The following FCSK variants were observed in gnomAD, a reference collection of about 807,000 sequenced individuals.
FCSK encodes fucose kinase, also known as L-fucose kinase.
Under a neutral mutation model 122.5 loss-of-function variants are expected in FCSK, and 123 were observed. That is an observed-to-expected ratio of 1.00 (90% CI 0.87 to 1.17). The LOEUF (loss-of-function observed/expected upper bound fraction) is 1.17, where lower values mean the gene tolerates loss of function less well. FCSK is among the 50% of genes most tolerant of loss of function. The pLI is 0.00. For missense variants in FCSK, 1,366 were observed against 1,450.4 expected, an observed-to-expected ratio of 0.94 and a Z score of 0.95; for synonymous variants, 620 against 625.5, an observed-to-expected ratio of 0.99 and a Z score of 0.13.
Position 70,474,643 on chromosome 16 carries a change from G to T in FCSK, c.2104G>T (p.Gly702Ter). Residue 702 changes from glycine (G) to a stop codon, truncating the protein, a stop_gained, in exon 17 of 24, where the codon GGA (glycine) becomes TGA (stop). Transcript: ENST00000288078. LOFTEE classifies it high-confidence loss of function. ...FVSTEQVELP[G>*]PGQWVVAECP... ...CTCCACAGAGCAGGTGGAACTGCCG[G>T]GACCTGGGCAGTGGGTGGTGGCTGA... The T allele has an allele frequency of 1.9e-6, 3 of 1,597,484 alleles. No individual in the cohort carries two copies. The highest frequency in any genetic ancestry group is 1.1e-5 in the South Asian group (1 of 88,024).
chr16:70,463,130 T>C (rs920799740), intron 1 of FCSK, 39 bp from the exon 2 acceptor site: 3 of 1,169,318 alleles, frequency 2.6e-6, no homozygotes, highest in Non-Finnish European at 3.8e-6. Context: ...GTTATGATGG[T>C]TTAAAAAATA....
chr16:70,467,502 G>A (rs1327207794), intron 7 of FCSK, 31 bp downstream of exon 7: 3 of 1,530,040 alleles, frequency 2.0e-6, no homozygotes, highest in African/African-American at 1.4e-5. Flanking sequence ...GGAGCCGGCT[G>A]GGGCAGCCTT....
intron 1 of FCSK, among the ~76,000 whole-genome samples, chr16:70,460,327 G>A (rs2048226327): frequency 6.6e-6 from 1 of 151,124 alleles, no homozygotes; most frequent in South Asian, 2.1e-4. Flanking sequence ...TAGCCAGGAT[G>A]GTCTCGATCT....
At chr16:70,476,623 C>G (rs2048827174) in intron 20 of FCSK, among the ~76,000 whole-genome samples, 1 of 152,126 alleles carries the variant, frequency 6.6e-6, no homozygotes, top group African/African-American at 2.4e-5. Context: ...AGGTCCACCT[C>G]AGGGTGTCAG....
rs536392049 is a variant in FCSK at position 70,468,759 on chromosome 16, C to T, written c.664-90C>T. ...CCCTGCCTGGTATGGCACTCAGCTT[C>T]ATGTGGCCCATCTGCATGTGCCCTC... On this transcript the variant is annotated intron_variant, in intron 8 of 23. Transcript: ENST00000288078. The T allele has an allele frequency of 3.7e-5, 56 of 1,516,498 alleles. 1 individual carries two copies. The South Asian group carries it at 5.9e-4, about 16-fold the overall frequency. 93.9% of individuals were successfully genotyped at this position (1,516,498 alleles called of 1,614,324 possible). A position where few individuals can be genotyped will look rare whatever the true frequency, so the allele number is the denominator to read the frequency against.
In FCSK at chr16:70,472,555, C is replaced by A; in HGVS notation, c.1356C>A (p.Gly452=). Residue 452 remains glycine, a synonymous_variant, in exon 14 of 24, where the codon GGC becomes GGA. Coordinates refer to ENST00000288078, the MANE Select transcript of FCSK (RefSeq NM_145059.3). ...RLDSWERQGA[G]TYLNVPWSEF... ...CTCTCCCCCAGAGACAGGGGGCAGGCACATATCTCAACGTGCCCTGGAGTG... is the reference window on the plus strand; with the variant it reads ...CTCTCCCCCAGAGACAGGGGGCAGGAACATATCTCAACGTGCCCTGGAGTG... 2.5e-6 allele frequency: 4 copies of A among 1,612,968 alleles called. No individual in the cohort carries two copies. The highest frequency in any genetic ancestry group is 3.4e-6 in the Non-Finnish European group (4 of 1,179,432).
intron 1 of FCSK, among the ~76,000 whole-genome samples, chr16:70,459,598 C>T (rs564658994): frequency 3.3e-5 from 5 of 151,286 alleles, no homozygotes; most frequent in Admixed American, 2.0e-4. Context: ...TCAAACTTCA[C>T]TCTGCCACTT....
Position 70,463,268 on chromosome 16 carries a change from G to A in FCSK, c.78G>A (p.Gln26=). The change falls in exon 2 of 24, where the codon CAG becomes CAA. Residue 26 remains glutamine, a synonymous_variant. Coordinates refer to ENST00000288078, the MANE Select transcript of FCSK (RefSeq NM_145059.3). ...ACAAGGACAGTGTCCAGGTCTTTCA[G>A]AGAGGTAGGGGACTCCCCTTCCCAC... The part of the protein sequence containing the change: ...CQYKDSVQVF[Q]RELEVRQKRE... 6.2e-7 allele frequency: 1 copy of A among 1,613,066 alleles called. No homozygotes were observed. The highest frequency in any genetic ancestry group is 1.1e-5 in the South Asian group (1 of 91,022).
chr16:70,474,460 C>T, intron 16 of FCSK, 68 bp from the exon 17 acceptor site: 1 of 1,546,814 alleles, frequency 6.5e-7, no homozygotes, highest in Admixed American at 2.0e-5. Context: ...CAGTCAGGTC[C>T]CCAAAGCCAG....
At chr16:70,454,774 C>T (rs1175463331) in intron 1 of FCSK, 144 bp downstream of exon 1, 1 of 152,202 alleles carries the variant, frequency 6.6e-6, no homozygotes, top group Non-Finnish European at 1.5e-5. Flanking sequence ...GAAGAGTCCC[C>T]GGGAGCTCTG....
Position 70,472,975 on chromosome 16 carries a change from C to A in FCSK, c.1407-8C>A, listed in dbSNP as rs774125279. ...CCCTCCTGGGAATGTGCCTTCTCCC[C>A]ACATCAGAGCCTGGGACCTGTGGGA... On this transcript the variant is annotated splice_region_variant and splice_polypyrimidine_tract_variant and intron_variant, in intron 14 of 23. Transcript: ENST00000288078. 2 of 1,598,270 alleles carry A rather than the reference C, an allele frequency of 1.3e-6. No homozygotes were observed. Among genetic ancestry groups the A allele is most frequent in the South Asian group, 1.1e-5 (1 of 88,944 alleles).
rs1210666616 is a variant in FCSK at position 70,473,681 on chromosome 16, G to A, written c.1777+328G>A. On this transcript the variant is annotated intron_variant, in intron 15 of 23. Transcript: ENST00000288078. The surrounding 1 kb of genome is among the most constrained non-coding windows in gnomAD (Gnocchi z 4.9). ...GTGCAGAGCGTGGCGAGGGGACAGAGCCCCCAGGGGACATGGTCATCTCTG... is the reference window on the plus strand; with the variant it reads ...GTGCAGAGCGTGGCGAGGGGACAGAACCCCCAGGGGACATGGTCATCTCTG... 2.0e-5 allele frequency among the ~76,000 whole-genome samples: 3 copies of A among 152,188 alleles called. No individual in the cohort carries two copies. Among genetic ancestry groups the A allele is most frequent in the Non-Finnish European group, 4.4e-5 (3 of 68,026 alleles).
Position 70,478,307 on chromosome 16 carries a change from C to A in FCSK, c.2677C>A (p.Pro893Thr). The change falls in exon 21 of 24, where the codon CCT becomes ACT. Residue 893 changes from proline to threonine, a missense_variant. By Grantham distance (38) the Pro-to-Thr change is conservative (BLOSUM62 -1). Coordinates refer to ENST00000288078, the MANE Select transcript of FCSK (RefSeq NM_145059.3). ...GCAGGACCAAGTAGGTGGCCTAATG[C>A]CTGGCATCAAGGTGGGGCGCTCCCG... ...GWQDQVGGLM[P>T]GIKVGRSRAQ... is the part of the protein sequence containing the mutation. 1 of 1,614,164 alleles carries A rather than the reference C, an allele frequency of 6.2e-7. No homozygotes were observed.
In FCSK at chr16:70,467,913, G is replaced by A; in HGVS notation, c.610G>A (p.Gly204Ser). ...QGLVLDIYYQGTEAEIQRCVR... is the reference protein window; with the variant it reads ...QGLVLDIYYQSTEAEIQRCVR... ...CCTTGTTTTGGACATTTACTACCAG[G>A]GCACTGAGGCAGAGATTCAGCGGTG... The change falls in exon 8 of 24, where the codon GGC becomes AGC. Residue 204 changes from glycine to serine, a missense_variant. Coordinates refer to ENST00000288078, the MANE Select transcript of FCSK (RefSeq NM_145059.3). 1.2e-6 allele frequency: 2 copies of A among 1,614,134 alleles called. No homozygotes were observed. Among genetic ancestry groups the A allele is most frequent in the Non-Finnish European group, 1.7e-6 (2 of 1,180,016 alleles).
In FCSK at chr16:70,470,255, A is replaced by C. The variant is rs893533762; in HGVS notation, c.956-59A>C. The C allele has an allele frequency of 4.2e-6, 5 of 1,188,296 alleles. No homozygotes were observed. The Middle Eastern group carries it at 5.8e-4, about 138-fold the overall frequency. The allele number at this position is 1,188,296 out of a possible 1,614,324, so 73.6% of individuals were successfully genotyped here. A position where few individuals can be genotyped will look rare whatever the true frequency, so the allele number is the denominator to read the frequency against. ...CCATGTGTCTCTGCTGCTGGGAGGC[A>C]GCCTGGCCCCTGAGTCGCAGCAGGC... On this transcript the variant is annotated intron_variant, in intron 10 of 23. Transcript: ENST00000288078.
chr16:70,455,002 T>C (rs557171666), intron 1 of FCSK: 1 of 152,338 alleles, frequency 6.6e-6, no homozygotes, highest in Non-Finnish European at 1.5e-5. Context: ...CCTCTCTCAG[T>C]TTACCCGGCC....
Position 70,475,696 on chromosome 16 carries a change from C to T in FCSK, c.2570C>T (p.Ala857Val). ...ACTGCCCTGGCTGCCTTGCAGCGAG[C>T]CGCAGGCCGGGTGGTGGGCACGGAA... ...AGTALAALQR[A>V]AGRVVGTEAL... The change falls in exon 20 of 24, where the codon GCC becomes GTC. Residue 857 changes from alanine (A) to valine (V), a missense_variant. Physicochemically the swap from Ala to Val is moderately conservative, Grantham distance 64 (BLOSUM62 0). Transcript: ENST00000288078. 1 of 1,602,134 alleles carries T rather than the reference C, an allele frequency of 6.2e-7. No homozygotes were observed. Among genetic ancestry groups the T allele is most frequent in the Non-Finnish European group, 8.5e-7 (1 of 1,174,600 alleles).
intron 11 of FCSK, among the ~76,000 whole-genome samples, 153 bp downstream of exon 11, chr16:70,470,579 C>G (rs548688029): frequency 6.6e-6 from 1 of 152,204 alleles, no homozygotes; most frequent in East Asian, 1.9e-4. Context: ...CTCAGAGAGG[C>G]TAAGTAACTT....
chr16:70,473,327 G>A lies in FCSK; in HGVS notation c.1751G>A (p.Gly584Glu), dbSNP rs926475956. The change falls in exon 15 of 24, where the codon GGG (glycine) becomes GAG (glutamate). Residue 584 changes from glycine to glutamate, a missense_variant. Physicochemically the swap from Gly to Glu is moderately conservative, Grantham distance 98. Coordinates refer to ENST00000288078, the MANE Select transcript of FCSK (RefSeq NM_145059.3). The surrounding 1 kb of genome is among the most constrained non-coding windows in gnomAD (Gnocchi z 4.9). ...GCTGCTGTCCGCGAGGGCTGCCCCGGGCCCCTGCTGGCCACGCTGGACCAG... is the reference window on the plus strand; with the variant it reads ...GCTGCTGTCCGCGAGGGCTGCCCCGAGCCCCTGCTGGCCACGCTGGACCAG... ...IWAAVREGCP[G>E]PLLATLDQVA... The A allele has an allele frequency of 1.3e-6, 2 of 1,510,074 alleles. No individual in the cohort carries two copies. The highest frequency in any genetic ancestry group is 1.4e-5 in the African/African-American group (1 of 72,278). 93.5% of individuals were successfully genotyped at this position (1,510,074 alleles called of 1,614,324 possible).
Sources: gnomAD v4.1 joint callset for allele counts (sites outside exome capture counted in the v4.1 genomes callset) on GRCh38, gnomAD v4.1.1 for gene constraint, Gnocchi (gnomAD v3.1) non-coding constraint, MANE v1.5 for transcripts, NCBI Gene and HGNC (gene_info 2026-07-23, HGNC 2026-07-21) for gene names.